The following KDM4B variants were observed in gnomAD, a reference collection of about 807,000 sequenced individuals.
The protein encoded by KDM4B is lysine-specific demethylase 4B.
In KDM4B, 32 loss-of-function variants were observed where a neutral mutation model predicts 125.2. The observed-to-expected ratio is 0.26, with a 90% CI of 0.19 to 0.34. The LOEUF (loss-of-function observed/expected upper bound fraction) is 0.34, where lower values mean the gene tolerates loss of function less well. KDM4B is among the 10% of genes least tolerant of loss of function. The pLI is 1.00. For missense variants in KDM4B, 1,190 were observed against 1,577.7 expected (o/e 0.75, Z 4.16); for synonymous variants, 721 against 677.9 (o/e 1.06, Z -0.99).
intron 2 of KDM4B, among the ~76,000 whole-genome samples, chr19:5,024,499 C>A (rs2036219673): frequency 6.6e-6 from 1 of 152,114 alleles, no homozygotes; most frequent in Admixed American, 6.6e-5. Context: ...CTTGTTCCTC[C>A]CCCAGGTTGC....
rs563501789 is a variant in KDM4B at position 5,142,886 on chromosome 19, T to C, written c.2551-1081T>C. Among the ~76,000 whole-genome samples the C allele has an allele frequency of 6.6e-6, 1 of 152,042 alleles. No homozygotes were observed. Among genetic ancestry groups the C allele is most frequent in the African/African-American group, 2.4e-5 (1 of 41,486 alleles). On this transcript the variant is annotated intron_variant, in intron 18 of 22. Coordinates refer to ENST00000159111, the MANE Select transcript of KDM4B (RefSeq NM_015015.3). The surrounding 1 kb of genome is among the most constrained non-coding windows in gnomAD (Gnocchi z 5.4). ...GTGACGGTGCCGCTTATTAAATGCTTAGCTGGGCCTGGCGTGGGTGTGGCG... is the reference window on the plus strand; with the variant it reads ...GTGACGGTGCCGCTTATTAAATGCTCAGCTGGGCCTGGCGTGGGTGTGGCG...
Position 5,077,967 on chromosome 19 carries a change from C to T in KDM4B, c.780+497C>T, listed in dbSNP as rs79908263. The T allele has an allele frequency of 7.1e-3, 1,134 of 160,254 alleles. 15 individuals carry two copies. Among genetic ancestry groups the T allele is most frequent in the African/African-American group, 0.025 (1,060 of 41,708 alleles). The allele number at this position is 160,254 out of a possible 1,614,324, so 9.9% of individuals were successfully genotyped here. ...AGTGACATTTCGGGCTCTCCTGCAC[C>T]GTGAAGACTGTGAACTCATTCAGTT... On this transcript the variant is annotated intron_variant, in intron 8 of 22. Transcript: ENST00000159111.
rs1465480432 is a variant in KDM4B, at chr19:5,110,738, G to C, written c.1035G>C (p.Thr345=). Residue 345 remains threonine (T), a synonymous_variant, in exon 10 of 23, where the codon ACG becomes ACC. Transcript: ENST00000159111. Reference sequence around the variant, plus strand: ...AGGACCTCACGGTGCTGGACCACACGCGGCCCACGGCGCTCACCAGCCCCG... The same window carrying C: ...AGGACCTCACGGTGCTGGACCACACCCGGCCCACGGCGCTCACCAGCCCCG... ...QGKDLTVLDH[T]RPTALTSPEL... The C allele has an allele frequency of 2.5e-6, 4 of 1,611,884 alleles. No homozygotes were observed. The Admixed American group carries it at 6.7e-5, about 27-fold the overall frequency.
intron 2 of KDM4B, among the ~76,000 whole-genome samples, chr19:5,019,972 G>T (rs961306861): frequency 6.8e-6 from 1 of 147,116 alleles, no homozygotes; most frequent in Non-Finnish European, 1.5e-5. Flanking sequence ...TAGTGTGCAG[G>T]TGTTGGTGTG....
chr19:5,101,222 C>CAAAAAAA, intron 9 of KDM4B, among the ~76,000 whole-genome samples: 1 of 85,644 alleles, frequency 1.2e-5, no homozygotes, highest in East Asian at 3.9e-4. Context: ...GACTCCGTCT[C>CAAAAAAA]AAAAAAAAAA....
rs145953756 is a variant in KDM4B at position 5,011,263 on chromosome 19, C to T, written c.-108-4994C>T. Among the ~76,000 whole-genome samples, 277 of 152,326 alleles carry T rather than the reference C, an allele frequency of 1.8e-3. 2 individuals are homozygous for T. In the East Asian group the frequency reaches 0.022, roughly 12 times the overall value. The stretch of plus-strand genomic sequence containing the variant: ...TACAAACTGTGGCCTGGGTGCTGGC[C>T]GTGCTCGATGCTGTTGGGGCATCAT... On this transcript the variant is annotated intron_variant, in intron 1 of 22. Coordinates refer to ENST00000159111, the MANE Select transcript of KDM4B (RefSeq NM_015015.3).
chr19:4,990,982 GT>G (rs1568211242), intron 1 of KDM4B, among the ~76,000 whole-genome samples: 1 of 152,028 alleles, frequency 6.6e-6, no homozygotes, highest in Non-Finnish European at 1.5e-5. Flanking sequence ...TTAGCTGGGC[GT>G]GATGGCGGGC....
chr19:5,151,218 C>A (rs1599285839), intron 22 of KDM4B, 117 bp from the exon 23 acceptor site: 1 of 898,230 alleles, frequency 1.1e-6, no homozygotes, highest in Non-Finnish European at 1.5e-6. Context: ...GCTGAGCAGC[C>A]CCCACAGCAA....
intron 1 of KDM4B, among the ~76,000 whole-genome samples, chr19:5,004,172 A>G (rs946393507): frequency 5.3e-5 from 8 of 152,164 alleles, no homozygotes; most frequent in Admixed American, 5.2e-4. Flanking sequence ...CAGAGACTTA[A>G]GGATGAGGTT....
At chr19:5,041,629 A>T (rs2145670255) in intron 5 of KDM4B, among the ~76,000 whole-genome samples, 1 of 152,190 alleles carries the variant, frequency 6.6e-6, no homozygotes, top group Admixed American at 6.5e-5. Flanking sequence ...TTCGGCTCCA[A>T]CCCGGTCCTG....
At chr19:5,110,387 G>A (rs543767563) in intron 9 of KDM4B, among the ~76,000 whole-genome samples, 58 of 151,908 alleles carry the variant, frequency 3.8e-4, no homozygotes, top group South Asian at 8.3e-4. Context: ...CGGGAGAATC[G>A]CTTGAGCCTG....
intron 13 of KDM4B, among the ~76,000 whole-genome samples, chr19:5,133,268 C>T (rs1313737713): frequency 1.3e-5 from 2 of 152,192 alleles, no homozygotes; most frequent in Non-Finnish European, 2.9e-5. Context: ...GCAGACCTGC[C>T]TTCCGGGAGA....
chr19:5,085,480 G>A (rs1480236566), intron 9 of KDM4B, among the ~76,000 whole-genome samples: 1 of 152,230 alleles, frequency 6.6e-6, no homozygotes, highest in African/African-American at 2.4e-5. Context: ...GGGCGGTGGG[G>A]ACTGCCCAGA....
At chr19:5,017,034 G>A (rs2035913608) in intron 2 of KDM4B, among the ~76,000 whole-genome samples, 1 of 152,206 alleles carries the variant, frequency 6.6e-6, no homozygotes, top group African/African-American at 2.4e-5. Context: ...TGGCAGCGGC[G>A]GCCGGCAGAG....
intron 7 of KDM4B, among the ~76,000 whole-genome samples, chr19:5,073,016 C>T (rs768807698): frequency 7.2e-5 from 11 of 152,210 alleles, no homozygotes; most frequent in Non-Finnish European, 1.3e-4. Flanking sequence ...CTGTAACCAA[C>T]AGTCCCTCTG....
chr19:5,080,382 T>C (rs1429703967), intron 8 of KDM4B, among the ~76,000 whole-genome samples: 1 of 152,134 alleles, frequency 6.6e-6, no homozygotes, highest in Non-Finnish European at 1.5e-5. Flanking sequence ...AAATCAGAGA[T>C]AAGAAAACAA....
chr19:5,127,468 T>C (rs1202143375), intron 11 of KDM4B, among the ~76,000 whole-genome samples: 2 of 152,130 alleles, frequency 1.3e-5, no homozygotes, highest in Non-Finnish European at 2.9e-5. Flanking sequence ...GGAAACTTGT[T>C]CTTGTGAGTT....
intron 1 of KDM4B, among the ~76,000 whole-genome samples, chr19:5,006,977 C>T (rs1235793995): frequency 6.6e-6 from 1 of 152,082 alleles, no homozygotes; most frequent in Non-Finnish European, 1.5e-5. Context: ...CCCCAGCCAC[C>T]TCCTGGCAGA....
intron 11 of KDM4B, among the ~76,000 whole-genome samples, chr19:5,122,406 C>G (rs1386340493): frequency 6.6e-5 from 10 of 152,190 alleles, no homozygotes. Context: ...GGGACAGATT[C>G]CCAGGCTCCA....
Sources: gnomAD v4.1 joint callset for allele counts (sites outside exome capture counted in the v4.1 genomes callset) on GRCh38, gnomAD v4.1.1 for gene constraint, Gnocchi (gnomAD v3.1) non-coding constraint, MANE v1.5 for transcripts, NCBI Gene and HGNC (gene_info 2026-07-23, HGNC 2026-07-21) for gene names.